Variants in DOCK3 observed in about 807,000 individuals in gnomAD.
DOCK3 encodes dedicator of cytokinesis 3.
In DOCK3, 60 loss-of-function variants were observed where a neutral mutation model predicts 265.6. The ratio of observed to expected loss-of-function variants is 0.23; its 90% CI spans 0.18 to 0.28. DOCK3 has a LOEUF of 0.28. Among genes scored for constraint, DOCK3 ranks in the 10% least tolerant of loss-of-function variants. The pLI, the probability that DOCK3 is intolerant of heterozygous loss-of-function variation, is 1.00. For missense variants in DOCK3, 1,981 were observed against 2,594.3 expected, an observed-to-expected ratio of 0.76 and a Z score of 5.14; for synonymous variants, 881 against 938.0, an observed-to-expected ratio of 0.94 and a Z score of 1.11.
intron 5 of DOCK3, among the ~76,000 whole-genome samples, chr3:51,053,530 T>C (rs768586433): frequency 1.3e-5 from 2 of 151,632 alleles, no homozygotes; most frequent in Non-Finnish European, 2.9e-5. Context: ...CACACCATTC[T>C]CCTGCCTTAA....
chr3:51,042,633 G>T (rs1327052260), intron 5 of DOCK3, among the ~76,000 whole-genome samples: 1 of 152,196 alleles, frequency 6.6e-6, no homozygotes, highest in Non-Finnish European at 1.5e-5. Context: ...CATTCAGATA[G>T]AGAGAAAGGA....
At chr3:51,261,891 TGAAA>T (rs2079870710) in intron 23 of DOCK3, among the ~76,000 whole-genome samples, 1 of 152,160 alleles carries the variant, frequency 6.6e-6, no homozygotes, top group Non-Finnish European at 1.5e-5. Flanking sequence ...AGGGCATCTC[TGAAA>T]GAAAGACAGC....
intron 24 of DOCK3, among the ~76,000 whole-genome samples, chr3:51,274,186 T>G (rs967865991): frequency 1.3e-5 from 2 of 152,198 alleles, no homozygotes; most frequent in Admixed American, 6.5e-5. Flanking sequence ...TGGCTAATTA[T>G]CAAAGTCTTG....
intron 9 of DOCK3, among the ~76,000 whole-genome samples, chr3:51,104,631 G>A (rs2083207241): frequency 1.3e-5 from 2 of 152,022 alleles, no homozygotes; most frequent in African/African-American, 4.8e-5. Context: ...GTGGGATTGT[G>A]GACAATTATA....
intron 32 of DOCK3, among the ~76,000 whole-genome samples, chr3:51,325,004 A>G (rs1271260921): frequency 6.6e-6 from 1 of 152,252 alleles, no homozygotes; most frequent in Admixed American, 6.5e-5. Context: ...GGACATAGGC[A>G]TGGGCAAAGA....
chr3:51,195,486 C>T lies in DOCK3; in HGVS notation c.1038-13288C>T, dbSNP rs2088226422. 2.0e-5 allele frequency among the ~76,000 whole-genome samples: 3 copies of T among 149,680 alleles called. No individual in the cohort carries two copies. The South Asian group carries it at 6.4e-4, about 32-fold the overall frequency. On this transcript the variant is annotated intron_variant, in intron 12 of 52. Coordinates refer to ENST00000266037, the MANE Select transcript of DOCK3 (RefSeq NM_004947.5). ...CTGGAGTGCAGTGGTGAGATCTCGGCTCACTGCAGCCTCCACTTCCTGGGT... is the reference window on the plus strand; with the variant it reads ...CTGGAGTGCAGTGGTGAGATCTCGGTTCACTGCAGCCTCCACTTCCTGGGT...
chr3:50,922,885 C>T (rs965127139), intron 4 of DOCK3, among the ~76,000 whole-genome samples: 2 of 151,930 alleles, frequency 1.3e-5, no homozygotes, highest in Admixed American at 6.6e-5. Context: ...GTATACACTG[C>T]ACCCAATTTG....
chr3:50,701,992 C>T (rs538641213), intron 1 of DOCK3, among the ~76,000 whole-genome samples: 4 of 152,110 alleles, frequency 2.6e-5, no homozygotes, highest in South Asian at 2.1e-4. Context: ...TTTTGAAGTC[C>T]GATATTGTGA....
intron 44 of DOCK3, 147 bp downstream of exon 44, chr3:51,357,288 C>T: frequency 1.2e-6 from 1 of 810,918 alleles, no homozygotes; most frequent in South Asian, 1.9e-5. Context: ...GCCCTAAGCT[C>T]CCTATCACTC....
intron 5 of DOCK3, among the ~76,000 whole-genome samples, chr3:51,017,047 A>T (rs933080263): frequency 6.9e-6 from 1 of 145,626 alleles, no homozygotes; most frequent in Admixed American, 7.1e-5. Flanking sequence ...TATGGCTTTG[A>T]TCTTATTACT....
chr3:50,946,815 A>C (rs2076440939), intron 5 of DOCK3, among the ~76,000 whole-genome samples: 1 of 152,186 alleles, frequency 6.6e-6, no homozygotes, highest in Non-Finnish European at 1.5e-5. Context: ...AGTTTTGGGT[A>C]AGCTTATGAT....
At chr3:51,356,052 C>T (rs1185101376) in intron 41 of DOCK3, 37 bp from the exon 42 acceptor site, 2 of 1,612,792 alleles carry the variant, frequency 1.2e-6, no homozygotes, top group Non-Finnish European at 1.7e-6. Context: ...AGGCCCAGCT[C>T]TGGCAAGTCT....
At chr3:50,964,327 C>T (rs958261214) in intron 5 of DOCK3, among the ~76,000 whole-genome samples, 15 of 152,230 alleles carry the variant, frequency 9.9e-5, no homozygotes, top group African/African-American at 2.9e-4. Context: ...GAAACCAACC[C>T]TGAACTGACA....
chr3:51,177,882 T>G (rs1461678037), intron 12 of DOCK3, among the ~76,000 whole-genome samples: 1 of 151,718 alleles, frequency 6.6e-6, no homozygotes, highest in Non-Finnish European at 1.5e-5. Context: ...TCTCAAATAC[T>G]CAGGAGGCTG....
At chr3:51,208,948 CT>C in intron 13 of DOCK3, 86 bp downstream of exon 13, 2 of 1,147,124 alleles carry the variant, frequency 1.7e-6, no homozygotes, top group Non-Finnish European at 2.5e-6. Context: ...TGCAGATTGG[CT>C]GCTGTATTCC....
Position 51,361,672 on chromosome 3 carries a change from G to T in DOCK3, c.5007-187G>T, listed in dbSNP as rs373190672. On this transcript the variant is annotated intron_variant, in intron 47 of 52. Transcript: ENST00000266037. The surrounding 1 kb of genome is among the most constrained non-coding windows in gnomAD (Gnocchi z 4.2). ...CACCATTGTCTCTCCCAGACCAAGG[G>T]CTCCTGAGTAGCAGGGTACAGCTCA... 2.0e-5 allele frequency among the ~76,000 whole-genome samples: 3 copies of T among 152,144 alleles called. No individual in the cohort carries two copies. The highest frequency in any genetic ancestry group is 6.5e-5 in the Admixed American group (1 of 15,282).
intron 12 of DOCK3, among the ~76,000 whole-genome samples, chr3:51,173,538 G>A (rs116209364): frequency 0.02 from 3,082 of 152,270 alleles, 122 homozygotes; most frequent in African/African-American, 0.07. Flanking sequence ...AGCCTCCTCA[G>A]CTTTTGTTCA....
At chr3:50,745,794 C>G (rs569110254) in intron 1 of DOCK3, among the ~76,000 whole-genome samples, 1 of 152,208 alleles carries the variant, frequency 6.6e-6, no homozygotes, top group African/African-American at 2.4e-5. Flanking sequence ...CTTCCCTAAT[C>G]AGATCGTTCA....
chr3:51,262,717 G>A (rs999733539), intron 23 of DOCK3, among the ~76,000 whole-genome samples: 1 of 152,184 alleles, frequency 6.6e-6, no homozygotes, highest in African/African-American at 2.4e-5. Flanking sequence ...GTTTAGAGAA[G>A]AACATAAATG....
Sources: allele counts gnomAD v4.1 joint callset (sites outside exome capture counted in the v4.1 genomes callset), GRCh38; gene constraint gnomAD v4.1.1; non-coding constraint Gnocchi (gnomAD v3.1); transcripts MANE v1.5; gene names NCBI Gene and HGNC (gene_info 2026-07-23, HGNC 2026-07-21).